The following PXDNL variants were observed in gnomAD, a reference collection of about 807,000 sequenced individuals.
The protein encoded by PXDNL is peroxidasin like.
PXDNL carries 145 observed loss-of-function variants against 150.8 expected under a neutral mutation model. The observed-to-expected ratio is 0.96, with a 90% CI of 0.84 to 1.10. PXDNL has a LOEUF of 1.10. Among genes scored for constraint, PXDNL ranks in the 50% least tolerant of loss-of-function variants. PXDNL has a pLI of 0.00. For synonymous variants in PXDNL, 757 were observed against 725.7 expected (o/e 1.04, Z -0.69); for missense variants, 2,087 against 1,873.9 (o/e 1.11, Z -2.10).
chr8:51,396,650 G>A (rs1422362711), intron 17 of PXDNL, among the ~76,000 whole-genome samples: 4 of 152,116 alleles, frequency 2.6e-5, no homozygotes, highest in Admixed American at 6.6e-5. Context: ...CCAGATACTC[G>A]GGAGGCTGAG....
At chr8:51,780,644 CTTTT>C (rs2037403905) in intron 1 of PXDNL, among the ~76,000 whole-genome samples, 1 of 115,212 alleles carries the variant, frequency 8.7e-6, no homozygotes, top group Admixed American at 9.8e-5. Context: ...TTTTCTTTTT[CTTTT>C]CTTTTCTTTT....
chr8:51,462,174 G>A (rs1810098799), intron 8 of PXDNL, among the ~76,000 whole-genome samples: 1 of 152,068 alleles, frequency 6.6e-6, no homozygotes, highest in Admixed American at 6.5e-5. Context: ...CAACTTCAAA[G>A]AGATAAAGGA....
chr8:51,741,288 A>G (rs1202856553), intron 1 of PXDNL, among the ~76,000 whole-genome samples: 5 of 152,148 alleles, frequency 3.3e-5, no homozygotes, highest in African/African-American at 4.8e-5. Context: ...ATACTATACA[A>G]TTAGTGTGTA....
intron 1 of PXDNL, among the ~76,000 whole-genome samples, chr8:51,760,342 T>C (rs968951141): frequency 1.3e-5 from 2 of 151,940 alleles, no homozygotes; most frequent in African/African-American, 4.8e-5. Context: ...CAAAGTAGTA[T>C]GGTTTACTAG....
chr8:51,371,394 T>A (rs761702035), intron 19 of PXDNL, among the ~76,000 whole-genome samples: 9 of 152,220 alleles, frequency 5.9e-5, no homozygotes, highest in Non-Finnish European at 1.2e-4. Flanking sequence ...ATATCACCAA[T>A]TCTGTTGTGT....
At position 51,472,339 on chromosome 8, in the gene PXDNL, G is replaced by A. The variant is rs202020551; in HGVS notation, c.695-35C>T. ...AAGAATTATTGATGTATTTTTCAGA[G>A]ATACAAAATTATGGCCTTCCAAGAT... On this transcript the variant is annotated intron_variant, in intron 7 of 22. Coordinates refer to ENST00000356297, the MANE Select transcript of PXDNL (RefSeq NM_144651.5). 4.9e-3 allele frequency: 7,456 copies of A among 1,515,742 alleles called. 24 individuals carry two copies. The highest frequency in any genetic ancestry group is 6.3e-3 in the Non-Finnish European group (6,936 of 1,096,192). The allele number at this position is 1,515,742 out of a possible 1,614,324, so 93.9% of individuals were successfully genotyped here.
At chr8:51,721,641 A>T (rs1406377081) in intron 1 of PXDNL, 1 of 401,072 alleles carries the variant, frequency 2.5e-6, no homozygotes, top group Non-Finnish European at 4.8e-6. Flanking sequence ...AATAATAATA[A>T]AATTAAAAAA....
chr8:51,530,816 A>G (rs1334809717), intron 4 of PXDNL, among the ~76,000 whole-genome samples: 4 of 151,062 alleles, frequency 2.6e-5, no homozygotes, highest in Non-Finnish European at 5.9e-5. Context: ...AGTAGCTACA[A>G]CTCTCTTTCT....
intron 5 of PXDNL, among the ~76,000 whole-genome samples, chr8:51,497,563 A>G (rs1412181708): frequency 1.3e-5 from 2 of 152,226 alleles, no homozygotes; most frequent in Non-Finnish European, 2.9e-5. Flanking sequence ...TCCAGAATCT[A>G]CACTGAACTC....
intron 9 of PXDNL, 28 bp downstream of exon 9, chr8:51,457,470 T>C (rs1374387790): frequency 1.3e-6 from 2 of 1,560,424 alleles, no homozygotes; most frequent in Non-Finnish European, 1.7e-6. Context: ...TGCAGATAAT[T>C]GATAGAACTA....
At chr8:51,735,546 T>G (rs1422872252) in intron 1 of PXDNL, among the ~76,000 whole-genome samples, 48 of 126,786 alleles carry the variant, frequency 3.8e-4, no homozygotes, top group South Asian at 7.8e-4. Flanking sequence ...TTTTTTTTTT[T>G]TTTTTTTTTT....
At chr8:51,741,108 T>C (rs2036902696) in intron 1 of PXDNL, among the ~76,000 whole-genome samples, 1 of 152,186 alleles carries the variant, frequency 6.6e-6, no homozygotes, top group African/African-American at 2.4e-5. Context: ...TGTTTGTGTG[T>C]TTGTTTGTTT....
chr8:51,404,936 G>C (rs113539270), intron 17 of PXDNL, among the ~76,000 whole-genome samples: 4,860 of 152,276 alleles, frequency 0.032, 240 homozygotes, highest in African/African-American at 0.11. Context: ...GGGGAGGCTC[G>C]GGCATGGTGG....
intron 14 of PXDNL, among the ~76,000 whole-genome samples, chr8:51,420,643 T>G (rs1037166051): frequency 3.3e-5 from 5 of 152,210 alleles, no homozygotes; most frequent in Non-Finnish European, 7.3e-5. Context: ...GCTATCACTA[T>G]TCTAAAATCT....
At chr8:51,500,221 A>T (rs1811153090) in intron 4 of PXDNL, among the ~76,000 whole-genome samples, 1 of 152,216 alleles carries the variant, frequency 6.6e-6, no homozygotes, top group South Asian at 2.1e-4. Flanking sequence ...GGCATATTTG[A>T]TGTCATATGA....
At chr8:51,546,315 C>T (rs1158018542) in intron 4 of PXDNL, among the ~76,000 whole-genome samples, 9 of 152,196 alleles carry the variant, frequency 5.9e-5, no homozygotes, top group Admixed American at 5.9e-4. Flanking sequence ...AGTCTATAGC[C>T]ATACCACCCT....
chr8:51,320,171 G>A (rs762470438), intron 22 of PXDNL, 149 bp from the exon 23 acceptor site: 4 of 654,690 alleles, frequency 6.1e-6, no homozygotes, highest in Non-Finnish European at 8.8e-6. Flanking sequence ...ATTTTTGCAT[G>A]GTTTCTATTC....
rs373682691 is a variant in PXDNL at position 51,660,088 on chromosome 8, C to T, written c.165-5328G>A. Among the ~76,000 whole-genome samples the T allele has an allele frequency of 1.5e-3, 221 of 152,088 alleles. 1 individual carries two copies. The highest frequency in any genetic ancestry group is 5.1e-3 in the African/African-American group (213 of 41,494). ...TACTTTTAGTAGAGACAGGGTTTCA[C>T]CATGTTGGCCAGGCTGGTCTGGAAC... On this transcript the variant is annotated intron_variant, in intron 1 of 22. Coordinates refer to ENST00000356297, the MANE Select transcript of PXDNL (RefSeq NM_144651.5).
In PXDNL at chr8:51,386,371, G is replaced by A. The variant is rs1283267768; in HGVS notation, c.3558-11640C>T. Among the ~76,000 whole-genome samples the A allele has an allele frequency of 5.3e-5, 8 of 152,238 alleles. 1 individual carries two copies. The highest frequency in any genetic ancestry group is 6.8e-3 in the Middle Eastern group (2 of 292). On this transcript the variant is annotated intron_variant, in intron 17 of 22. Coordinates refer to ENST00000356297, the MANE Select transcript of PXDNL (RefSeq NM_144651.5). ...CTCCCAAAGTGCTGGGATTACAGGC[G>A]TGAGCCACTGTGCCCGGCCAGGTGA...
Sources: gnomAD v4.1 joint callset for allele counts (sites outside exome capture counted in the v4.1 genomes callset) on GRCh38, gnomAD v4.1.1 for gene constraint, MANE v1.5 for transcripts, NCBI Gene and HGNC (gene_info 2026-07-23, HGNC 2026-07-21) for gene names.